ARHGEF10L: variants seen among roughly 807,000 people sequenced by gnomAD.
The protein encoded by ARHGEF10L is rho guanine nucleotide exchange factor 10-like protein.
ARHGEF10L carries 69 observed loss-of-function variants against 141.2 expected under a neutral mutation model. The ratio of observed to expected loss-of-function variants is 0.49; its 90% CI spans 0.40 to 0.60. The LOEUF (loss-of-function observed/expected upper bound fraction) is 0.60, where lower values mean the gene tolerates loss of function less well. ARHGEF10L is among the 20% of genes least tolerant of loss of function. The pLI, the probability that ARHGEF10L is intolerant of heterozygous loss-of-function variation, is 0.00. For synonymous variants in ARHGEF10L, 711 were observed against 718.5 expected (o/e 0.99, Z 0.17); for missense variants, 1,482 against 1,734.3 (o/e 0.85, Z 2.58).
chr1:17,556,403 G>A (rs2077329445), intron 1 of ARHGEF10L, among the ~76,000 whole-genome samples: 1 of 152,154 alleles, frequency 6.6e-6, no homozygotes, highest in Non-Finnish European at 1.5e-5. Context: ...CTGGGCCTCA[G>A]TTTCCTCATC....
At chr1:17,593,883 G>A (rs1373532411) in intron 4 of ARHGEF10L, among the ~76,000 whole-genome samples, 1 of 151,496 alleles carries the variant, frequency 6.6e-6, no homozygotes, top group Non-Finnish European at 1.5e-5. Flanking sequence ...CTTGTCTGTG[G>A]GGCTGGGCTG....
chr1:17,689,751 A>G (rs1457794298), intron 27 of ARHGEF10L: 1 of 454,860 alleles, frequency 2.2e-6, no homozygotes, highest in East Asian at 7.0e-5. Flanking sequence ...AATTATTTCA[A>G]GTTAGTGGAA....
At chr1:17,606,102 A>G (rs1456318599) in intron 6 of ARHGEF10L, among the ~76,000 whole-genome samples, 1 of 152,028 alleles carries the variant, frequency 6.6e-6, no homozygotes, top group Non-Finnish European at 1.5e-5. Flanking sequence ...CAGAGCCACC[A>G]TGAGTGACGG....
chr1:17,666,515 G>C (rs769338039), intron 26 of ARHGEF10L, among the ~76,000 whole-genome samples: 4 of 152,112 alleles, frequency 2.6e-5, no homozygotes. Flanking sequence ...TCATCTCCTG[G>C]ACTCATGCCA....
At position 17,656,539 on chromosome 1, in the gene ARHGEF10L, A is replaced by C; in HGVS notation, c.2706-15A>C. The C allele has an allele frequency of 6.2e-7, 1 of 1,603,482 alleles. No individual in the cohort carries two copies. Among genetic ancestry groups the C allele is most frequent in the Non-Finnish European group, 8.5e-7 (1 of 1,172,504 alleles). ...CTCAGTGTGTCATGACCGCTTCTCC[A>C]ACCTCTCCCCGCAGCATCCTCCTCT... On this transcript the variant is annotated splice_polypyrimidine_tract_variant and intron_variant, in intron 24 of 28. Coordinates refer to ENST00000361221, the MANE Select transcript of ARHGEF10L (RefSeq NM_018125.4). This position sits in a 1 kb window ranked among gnomAD's most constrained non-coding sequence, Gnocchi z 4.9.
At chr1:17,629,435 T>C (rs1164300576) in intron 15 of ARHGEF10L, among the ~76,000 whole-genome samples, 5 of 152,170 alleles carry the variant, frequency 3.3e-5, no homozygotes, top group African/African-American at 1.2e-4. Context: ...AAGAGCTGGC[T>C]CACCGACCCA....
At chr1:17,678,889 A>G (rs997552483) in intron 26 of ARHGEF10L, among the ~76,000 whole-genome samples, 1 of 152,228 alleles carries the variant, frequency 6.6e-6, no homozygotes, top group African/African-American at 2.4e-5. Flanking sequence ...TACTGTAGGA[A>G]TTGTTAACTT....
chr1:17,517,459 G>C, the ARHGEF10L span, among the ~76,000 whole-genome samples: 1 of 148,326 alleles, frequency 6.7e-6, no homozygotes. Flanking sequence ...GAGTAGCTAG[G>C]ACTACAGGTG....
At chr1:17,642,579 G>A (rs1419131049) in intron 21 of ARHGEF10L, among the ~76,000 whole-genome samples, 1 of 152,168 alleles carries the variant, frequency 6.6e-6, no homozygotes, top group Non-Finnish European at 1.5e-5. Flanking sequence ...GAGCAGGAAT[G>A]GGGAGGGGTT....
intron 27 of ARHGEF10L, chr1:17,694,911 T>C (rs905389): frequency 0.83 from 553,913 of 666,762 alleles, 231,127 homozygotes; most frequent in East Asian, 0.91. Context: ...AATGCATCCG[T>C]ATGGCAGCCC....
At chr1:17,569,548 A>G (rs932980417) in intron 1 of ARHGEF10L, among the ~76,000 whole-genome samples, 1 of 152,150 alleles carries the variant, frequency 6.6e-6, no homozygotes, top group Non-Finnish European at 1.5e-5. Context: ...CCCTCGTGGG[A>G]CAGAGTGAAC....
chr1:17,596,877 C>A (rs1405245131), intron 4 of ARHGEF10L, among the ~76,000 whole-genome samples: 2 of 152,170 alleles, frequency 1.3e-5, no homozygotes, highest in African/African-American at 4.8e-5. Context: ...CATGATGAAA[C>A]CCTGTCTCAA....
At chr1:17,690,570 G>A (rs1379692571) in intron 27 of ARHGEF10L, among the ~76,000 whole-genome samples, 1 of 152,252 alleles carries the variant, frequency 6.6e-6, no homozygotes, top group African/African-American at 2.4e-5. Context: ...AGACAGAGGT[G>A]ACCGCTCTTT....
chr1:17,692,298 T>G (rs2065162880), intron 27 of ARHGEF10L, among the ~76,000 whole-genome samples: 1 of 152,102 alleles, frequency 6.6e-6, no homozygotes, highest in African/African-American at 2.4e-5. Context: ...ACGCTATGAA[T>G]GTGATTTTTT....
At chr1:17,605,269 A>C (rs553562390) in intron 6 of ARHGEF10L, among the ~76,000 whole-genome samples, 1 of 152,278 alleles carries the variant, frequency 6.6e-6, no homozygotes. Context: ...GCTTCTTCAC[A>C]TAAAGCAGGA....
At chr1:17,691,176 C>A in intron 27 of ARHGEF10L, 1 of 454,262 alleles carries the variant, frequency 2.2e-6, no homozygotes. Context: ...TTGTATATCT[C>A]CAGATAGATG....
intron 14 of ARHGEF10L, among the ~76,000 whole-genome samples, chr1:17,626,281 T>G (rs145346856): frequency 0.014 from 2,104 of 152,256 alleles, 50 homozygotes; most frequent in African/African-American, 0.048. Context: ...GCTGGTGGCC[T>G]GAGTCTGGGT....
At chr1:17,658,056 G>A (rs1299054622) in intron 25 of ARHGEF10L, among the ~76,000 whole-genome samples, 2 of 152,208 alleles carry the variant, frequency 1.3e-5, no homozygotes, top group African/African-American at 2.4e-5. Context: ...ACTAGGGAAG[G>A]GCCTTACTCC....
the ARHGEF10L span, among the ~76,000 whole-genome samples, chr1:17,520,284 T>C: frequency 6.6e-6 from 1 of 152,018 alleles, no homozygotes; most frequent in Admixed American, 6.5e-5. Context: ...GGCAAGTGAG[T>C]GACTCACACA....
Sources: allele counts gnomAD v4.1 joint callset (sites outside exome capture counted in the v4.1 genomes callset), GRCh38; gene constraint gnomAD v4.1.1; non-coding constraint Gnocchi (gnomAD v3.1); transcripts MANE v1.5; gene names NCBI Gene and HGNC (gene_info 2026-07-23, HGNC 2026-07-21).